CSGALNACT1: variants seen among roughly 807,000 people sequenced by gnomAD.
CSGALNACT1 encodes beta4GalNAcT-1.
CSGALNACT1 carries 52 observed loss-of-function variants against 51.0 expected under a neutral mutation model. The observed-to-expected ratio is 1.02, with a 90% CI of 0.82 to 1.29. The LOEUF is 1.29. CSGALNACT1 is among the 50% of genes most tolerant of loss of function. The pLI, the probability that CSGALNACT1 is intolerant of heterozygous loss-of-function variation, is 0.00. For synonymous variants in CSGALNACT1, 341 were observed against 254.4 expected, an observed-to-expected ratio of 1.34 and a Z score of -3.24; for missense variants, 935 against 679.2, an observed-to-expected ratio of 1.38 and a Z score of -4.19.
At chr8:19,632,858 G>C (rs2055475417) in intron 1 of CSGALNACT1, among the ~76,000 whole-genome samples, 1 of 151,754 alleles carries the variant, frequency 6.6e-6, no homozygotes, top group African/African-American at 2.4e-5. Flanking sequence ...CAGGCTCATT[G>C]ATCCTCCTGC....
intron 4 of CSGALNACT1, among the ~76,000 whole-genome samples, chr8:19,473,802 A>G (rs1020447548): frequency 6.6e-6 from 1 of 152,218 alleles, no homozygotes; most frequent in Non-Finnish European, 1.5e-5. Context: ...GGGAAAATAT[A>G]TATGTATTTC....
At chr8:19,612,823 A>T (rs2052455453) in intron 1 of CSGALNACT1, among the ~76,000 whole-genome samples, 1 of 152,026 alleles carries the variant, frequency 6.6e-6, no homozygotes, top group Non-Finnish European at 1.5e-5. Context: ...TTAAACGGAT[A>T]GATTTTGTGA....
chr8:19,441,446 C>G (rs2061320759), intron 5 of CSGALNACT1, among the ~76,000 whole-genome samples: 1 of 152,110 alleles, frequency 6.6e-6, no homozygotes, highest in South Asian at 2.1e-4. Flanking sequence ...TTTGACAAAC[C>G]TGACAAAAAC....
intron 3 of CSGALNACT1, among the ~76,000 whole-genome samples, chr8:19,507,914 G>C (rs190453272): frequency 6.6e-6 from 1 of 152,198 alleles, no homozygotes; most frequent in East Asian, 1.9e-4. Flanking sequence ...GGCGTGAGCC[G>C]CCGTGCCCGG....
chr8:19,744,213 C>T (rs1240136841), intron 1 of CSGALNACT1, among the ~76,000 whole-genome samples: 1 of 152,150 alleles, frequency 6.6e-6, no homozygotes, highest in Non-Finnish European at 1.5e-5. Context: ...AAAGTAAGAC[C>T]TCACAGACTC....
chr8:19,462,016 C>T (rs2065661616), intron 4 of CSGALNACT1, among the ~76,000 whole-genome samples: 1 of 152,192 alleles, frequency 6.6e-6, no homozygotes, highest in Admixed American at 6.5e-5. Flanking sequence ...AGGGCCTATC[C>T]ACACAGCAGC....
chr8:19,641,423 C>T (rs1032939303), intron 1 of CSGALNACT1, among the ~76,000 whole-genome samples: 25 of 152,080 alleles, frequency 1.6e-4, no homozygotes, highest in Non-Finnish European at 1.5e-5. Context: ...AGCAGCAGGG[C>T]GAACCTGGGA....
At chr8:19,588,699 T>C (rs2047179773) in intron 3 of CSGALNACT1, among the ~76,000 whole-genome samples, 1 of 152,202 alleles carries the variant, frequency 6.6e-6, no homozygotes, top group Non-Finnish European at 1.5e-5. Flanking sequence ...AATTGGATTT[T>C]TGTCAATTTT....
chr8:19,430,584 G>C (rs1021231602), intron 6 of CSGALNACT1, among the ~76,000 whole-genome samples: 1 of 152,078 alleles, frequency 6.6e-6, no homozygotes, highest in Non-Finnish European at 1.5e-5. Context: ...TATAGCAGTA[G>C]CAAAGTCTTA....
At chr8:19,646,782 G>C (rs922392798) in intron 1 of CSGALNACT1, among the ~76,000 whole-genome samples, 1 of 152,116 alleles carries the variant, frequency 6.6e-6, no homozygotes, top group Non-Finnish European at 1.5e-5. Flanking sequence ...CTAGCCGATA[G>C]TAAGAGCTCC....
At chr8:19,623,839 T>C (rs2054126432) in intron 1 of CSGALNACT1, among the ~76,000 whole-genome samples, 1 of 152,214 alleles carries the variant, frequency 6.6e-6, no homozygotes. Context: ...AGTGGGGAAA[T>C]AATGGTCCCT....
At chr8:19,525,954 T>C (rs1179952596) in intron 3 of CSGALNACT1, among the ~76,000 whole-genome samples, 1 of 152,140 alleles carries the variant, frequency 6.6e-6, no homozygotes. Flanking sequence ...AAACTAGGTC[T>C]AGTGCGCATT....
intron 1 of CSGALNACT1, among the ~76,000 whole-genome samples, chr8:19,660,341 A>AG (rs1401118879): frequency 6.6e-6 from 1 of 152,232 alleles, no homozygotes; most frequent in African/African-American, 2.4e-5. Flanking sequence ...CACAACCTCA[A>AG]GCAAATTACT....
chr8:19,408,524 C>T, intron 9 of CSGALNACT1, 89 bp downstream of exon 8: 1 of 697,714 alleles, frequency 1.4e-6, no homozygotes, highest in South Asian at 1.4e-5. Context: ...CCTTCCCAAC[C>T]AGACTCCTTG....
At chr8:19,663,495 G>A (rs1301523565) in intron 1 of CSGALNACT1, among the ~76,000 whole-genome samples, 4 of 151,930 alleles carry the variant, frequency 2.6e-5, no homozygotes, top group African/African-American at 7.3e-5. Context: ...AGCACGAGAG[G>A]TTCCTACAAG....
intron 5 of CSGALNACT1, among the ~76,000 whole-genome samples, chr8:19,453,320 C>G (rs1213619734): frequency 6.6e-6 from 1 of 152,090 alleles, no homozygotes; most frequent in South Asian, 2.1e-4. Context: ...AATAAATCAA[C>G]AGCCAAAATG....
intron 1 of CSGALNACT1, among the ~76,000 whole-genome samples, chr8:19,704,422 T>C (rs1401399938): frequency 6.6e-6 from 1 of 152,206 alleles, no homozygotes; most frequent in Non-Finnish European, 1.5e-5. Context: ...AAGTCAAAAA[T>C]ATCAAGTGTT....
At chr8:19,686,667 TG>T (rs1223349991), upstream of CSGALNACT1, among the ~76,000 whole-genome samples, 1 of 152,190 alleles carries the variant, frequency 6.6e-6, no homozygotes, top group African/African-American at 2.4e-5. Flanking sequence ...CTCTGCAAAC[TG>T]GAGCTTTTCA....
At chr8:19,405,182 G>A in exon 10 of CSGALNACT1, 1 of 449,354 alleles carries the variant, frequency 2.2e-6, no homozygotes, top group South Asian at 1.6e-5. Flanking sequence ...AACGGAGACA[G>A]TTAAAAGGAC....
Sources: allele counts gnomAD v4.1 joint callset (sites outside exome capture counted in the v4.1 genomes callset), GRCh38; gene constraint gnomAD v4.1.1; transcripts MANE v1.5; gene names NCBI Gene and HGNC (gene_info 2026-07-23, HGNC 2026-07-21).